SGCZ: variants seen among roughly 807,000 people sequenced by gnomAD.
The protein encoded by SGCZ is zeta-sarcoglycan.
SGCZ carries 40 observed loss-of-function variants against 41.3 expected under a neutral mutation model. The ratio of observed to expected loss-of-function variants is 0.97; its 90% CI spans 0.75 to 1.26. The LOEUF (loss-of-function observed/expected upper bound fraction) is 1.26, where lower values mean the gene tolerates loss of function less well. Ranked by LOEUF, SGCZ falls within the 50% of genes most tolerant of loss-of-function variation. The pLI is 0.00. For missense variants in SGCZ, 552 were observed against 369.8 expected, an observed-to-expected ratio of 1.49 and a Z score of -4.04; for synonymous variants, 206 against 137.5, an observed-to-expected ratio of 1.50 and a Z score of -3.49.
chr8:14,686,893 C>T (rs922371291), intron 1 of SGCZ, among the ~76,000 whole-genome samples: 1 of 151,924 alleles, frequency 6.6e-6, no homozygotes, highest in Non-Finnish European at 1.5e-5. Context: ...AACGAACAAA[C>T]CATCATTAAC....
intron 1 of SGCZ, among the ~76,000 whole-genome samples, chr8:15,081,677 G>T (rs1163088067): frequency 6.6e-6 from 1 of 152,148 alleles, no homozygotes; most frequent in Non-Finnish European, 1.5e-5. Flanking sequence ...TGTAATTAGT[G>T]ATAATGAAGG....
intron 6 of SGCZ, 56 bp from the exon 7 acceptor site, chr8:14,102,555 A>G: frequency 7.7e-7 from 1 of 1,290,342 alleles, no homozygotes; most frequent in South Asian, 2.7e-5. Context: ...AAAATCATTA[A>G]TAGAAAAAAG....
chr8:15,140,560 G>T (rs895559740), intron 1 of SGCZ, among the ~76,000 whole-genome samples: 1 of 151,976 alleles, frequency 6.6e-6, no homozygotes, highest in Non-Finnish European at 1.5e-5. Flanking sequence ...CCAACTAATA[G>T]TAATAATAAT....
intron 2 of SGCZ, among the ~76,000 whole-genome samples, chr8:14,362,366 G>A (rs1245276020): frequency 6.6e-6 from 1 of 152,158 alleles, no homozygotes; most frequent in African/African-American, 2.4e-5. Context: ...TGTTTACACT[G>A]TGAGCATAGA....
intron 1 of SGCZ, among the ~76,000 whole-genome samples, chr8:14,682,412 A>C (rs1414949393): frequency 6.6e-6 from 1 of 150,666 alleles, no homozygotes; most frequent in Non-Finnish European, 1.5e-5. Context: ...ATGCACATAC[A>C]TATATAATGC....
At chr8:15,004,563 C>T (rs943199050) in intron 1 of SGCZ, among the ~76,000 whole-genome samples, 5 of 152,170 alleles carry the variant, frequency 3.3e-5, no homozygotes, top group Admixed American at 2.0e-4. Flanking sequence ...TGCAGTGTCT[C>T]ATTCTGTTTC....
At chr8:14,324,597 A>G (rs746068246) in intron 2 of SGCZ, among the ~76,000 whole-genome samples, 1 of 152,132 alleles carries the variant, frequency 6.6e-6, no homozygotes, top group Non-Finnish European at 1.5e-5. Flanking sequence ...CAGTTATACA[A>G]ATAACTCTAA....
chr8:14,838,925 G>C (rs954283924), intron 1 of SGCZ, among the ~76,000 whole-genome samples: 3 of 152,132 alleles, frequency 2.0e-5, no homozygotes, highest in African/African-American at 7.2e-5. Context: ...ACTCAGAAAG[G>C]TGACCAGGAA....
intron 2 of SGCZ, among the ~76,000 whole-genome samples, chr8:14,459,770 C>T (rs533100817): frequency 1.3e-5 from 2 of 152,272 alleles, no homozygotes; most frequent in African/African-American, 4.8e-5. Flanking sequence ...GGTATTCTCA[C>T]ATCCTCACCC....
At chr8:15,048,168 T>C (rs1804379709) in intron 1 of SGCZ, among the ~76,000 whole-genome samples, 1 of 152,058 alleles carries the variant, frequency 6.6e-6, no homozygotes, top group South Asian at 2.1e-4. Flanking sequence ...TGAAAACCTG[T>C]CATTTGCAGC....
At chr8:14,350,244 CT>C (rs35489045) in intron 2 of SGCZ, among the ~76,000 whole-genome samples, 8,952 of 144,370 alleles carry the variant, frequency 0.062, 421 homozygotes, top group East Asian at 0.27. Flanking sequence ...AGGAGCAAAA[CT>C]TTTTTTTTTT....
chr8:14,931,028 T>A (rs1003048138), intron 1 of SGCZ, among the ~76,000 whole-genome samples: 3 of 152,078 alleles, frequency 2.0e-5, no homozygotes, highest in Non-Finnish European at 4.4e-5. Context: ...AAATGTAATT[T>A]GTTTGAATAC....
intron 2 of SGCZ, among the ~76,000 whole-genome samples, chr8:14,405,081 G>A (rs544662929): frequency 1.3e-5 from 2 of 152,128 alleles, no homozygotes; most frequent in African/African-American, 4.8e-5. Context: ...CTGTGACCCT[G>A]CTAACTACTT....
rs1436681095 is a variant in SGCZ at position 15,237,746 on chromosome 8, C to T, written c.-123G>A. Reference sequence around the variant, plus strand: ...CCAAGCCCCGGCAGCTCCTCTCAGTCTCATTCTCCGTGGTCACGCCGCCTC... The same window carrying T: ...CCAAGCCCCGGCAGCTCCTCTCAGTTTCATTCTCCGTGGTCACGCCGCCTC... On this transcript the variant is annotated 5_prime_UTR_variant, in exon 1 of 8. Transcript: ENST00000382080. 1 of 968,080 alleles carries T rather than the reference C, an allele frequency of 1.0e-6. No individual in the cohort carries two copies. Among genetic ancestry groups the T allele is most frequent in the Non-Finnish European group, 1.6e-6 (1 of 629,154 alleles). 60.0% of individuals were successfully genotyped at this position (968,080 alleles called of 1,614,324 possible). A position where few individuals can be genotyped will look rare whatever the true frequency, so the allele number is the denominator to read the frequency against.
At position 14,087,273 on chromosome 8, in the gene SGCZ, T is replaced by A. The variant is rs1264964407; in HGVS notation, c.*3170A>T. On this transcript the variant is annotated 3_prime_UTR_variant, in exon 8 of 8. Coordinates refer to ENST00000382080, the MANE Select transcript of SGCZ (RefSeq NM_139167.4). ...TTTTGGAAATGTTGAACAAGGGAAGTAGGAAATTTGGAAGTTTTTGTTGTT... is the reference window on the plus strand; with the variant it reads ...TTTTGGAAATGTTGAACAAGGGAAGAAGGAAATTTGGAAGTTTTTGTTGTT... Among the ~76,000 whole-genome samples the A allele has an allele frequency of 2.0e-5, 3 of 149,994 alleles. No homozygotes were observed. Among genetic ancestry groups the A allele is most frequent in the Non-Finnish European group, 4.5e-5 (3 of 66,996 alleles).
chr8:14,778,016 C>A (rs933598263), intron 1 of SGCZ, among the ~76,000 whole-genome samples: 11 of 151,990 alleles, frequency 7.2e-5, no homozygotes, highest in African/African-American at 2.4e-4. Context: ...CTTCATCTCC[C>A]AGACTTAAGC....
At chr8:14,542,279 C>A (rs1364478476) in intron 2 of SGCZ, among the ~76,000 whole-genome samples, 3 of 151,814 alleles carry the variant, frequency 2.0e-5, no homozygotes, top group African/African-American at 7.3e-5. Context: ...AATATCTTAA[C>A]CCTCATTTAT....
intron 2 of SGCZ, among the ~76,000 whole-genome samples, chr8:14,362,680 G>C (rs750808328): frequency 2.6e-5 from 4 of 152,098 alleles, no homozygotes; most frequent in Non-Finnish European, 5.9e-5. Flanking sequence ...TGCTGCTTTG[G>C]CTCACCCTCT....
intron 5 of SGCZ, chr8:14,162,540 A>G (rs1322089953): frequency 6.6e-6 from 1 of 152,236 alleles, no homozygotes; most frequent in East Asian, 1.9e-4. Context: ...TATGACAAAC[A>G]GAACTCTCTT....
Sources: allele counts gnomAD v4.1 joint callset (sites outside exome capture counted in the v4.1 genomes callset), GRCh38; gene constraint gnomAD v4.1.1; transcripts MANE v1.5; gene names NCBI Gene and HGNC (gene_info 2026-07-23, HGNC 2026-07-21).